The following SDCCAG8 variants were observed in gnomAD, a reference collection of about 807,000 sequenced individuals.
SDCCAG8 encodes the protein SHH signaling and ciliogenesis regulator SDCCAG8, also known as serologically defined colon cancer antigen 8.
SDCCAG8 carries 74 observed loss-of-function variants against 101.8 expected under a neutral mutation model. The observed-to-expected ratio is 0.73, with a 90% CI of 0.60 to 0.88. The LOEUF is 0.88. Ranked by LOEUF, SDCCAG8 falls within the 40% of genes least tolerant of loss-of-function variation. The pLI is 0.00. For missense variants in SDCCAG8, 787 were observed against 822.6 expected (o/e 0.96, Z 0.53); for synonymous variants, 281 against 292.9 (o/e 0.96, Z 0.41).
At chr1:243,295,705 A>C (rs1053432159) in intron 6 of SDCCAG8, among the ~76,000 whole-genome samples, 8 of 152,040 alleles carry the variant, frequency 5.3e-5, no homozygotes, top group African/African-American at 1.9e-4. Context: ...TACCTATTGA[A>C]ATGTTTCCAG....
At chr1:243,300,437 C>G (rs1340395524) in intron 6 of SDCCAG8, among the ~76,000 whole-genome samples, 1 of 152,200 alleles carries the variant, frequency 6.6e-6, no homozygotes, top group Non-Finnish European at 1.5e-5. Flanking sequence ...TCCCTTTCTT[C>G]ACACTTCAAT....
intron 8 of SDCCAG8, among the ~76,000 whole-genome samples, chr1:243,312,699 C>T (rs2072855524): frequency 7.4e-6 from 1 of 134,668 alleles, no homozygotes; most frequent in Admixed American, 7.6e-5. Context: ...GAGGAAGAAC[C>T]TGTCTCCAAA....
chr1:243,261,419 A>G (rs2067183510), intron 1 of SDCCAG8, among the ~76,000 whole-genome samples: 1 of 152,240 alleles, frequency 6.6e-6, no homozygotes, highest in East Asian at 1.9e-4. Flanking sequence ...TGAATATGAG[A>G]AGAAAATATA....
chr1:243,276,195 T>A (rs2068557989), intron 4 of SDCCAG8, among the ~76,000 whole-genome samples: 1 of 152,104 alleles, frequency 6.6e-6, no homozygotes, highest in African/African-American at 2.4e-5. Context: ...ATCATTTAGA[T>A]CAGCAGAAGG....
chr1:243,386,344 T>C (rs1192519173), intron 13 of SDCCAG8, among the ~76,000 whole-genome samples: 1 of 152,226 alleles, frequency 6.6e-6, no homozygotes, highest in African/African-American at 2.4e-5. Flanking sequence ...AATGGATTAA[T>C]GCAGTTGTTC....
At chr1:243,448,736 T>G (rs887127708) in intron 16 of SDCCAG8, among the ~76,000 whole-genome samples, 1 of 63,340 alleles carries the variant, frequency 1.6e-5, no homozygotes, top group African/African-American at 6.5e-5. Flanking sequence ...CTGTCCAACT[T>G]GTTTAGACTG....
At position 243,499,768 on chromosome 1, in the gene SDCCAG8, C is replaced by CCA. The variant is rs778917211; in HGVS notation, c.2128_2129dup (p.Gln710HisfsTer12). On this transcript the variant is annotated frameshift_variant, in exon 18 of 18. Coordinates refer to ENST00000366541, the MANE Select transcript of SDCCAG8 (RefSeq NM_006642.5). LOFTEE classifies it high-confidence loss of function. ...TTATTTTTTCCAGTTACCCAGCATG[C>CCA]CACAATCTGATTGCTGACCTGGATG... The CCA allele has an allele frequency of 5.0e-6, 8 of 1,612,056 alleles. No individual in the cohort carries two copies. Among genetic ancestry groups the CCA allele is most frequent in the Non-Finnish European group, 5.9e-6 (7 of 1,178,406 alleles).
intron 4 of SDCCAG8, among the ~76,000 whole-genome samples, chr1:243,284,996 C>T (rs2069460854): frequency 1.3e-5 from 2 of 152,098 alleles, no homozygotes; most frequent in South Asian, 2.1e-4. Context: ...CATTCTCCTA[C>T]CTCAGCCTCC....
rs542493526 is a variant in SDCCAG8, at chr1:243,286,183, G to A, written c.421-89G>A. 302 of 1,308,220 alleles carry A rather than the reference G, an allele frequency of 2.3e-4. No individual in the cohort carries two copies. In the African/African-American group the frequency reaches 3.1e-3, roughly 13 times the overall value. The allele number at this position is 1,308,220 out of a possible 1,614,324, so 81.0% of individuals were successfully genotyped here. ...AGGAAAAGGAGAACATAAGTCTTCC[G>A]TACTTTATATCATGCTGTGCCCTCT... On this transcript the variant is annotated intron_variant, in intron 4 of 17. Coordinates refer to ENST00000366541, the MANE Select transcript of SDCCAG8 (RefSeq NM_006642.5).
intron 10 of SDCCAG8, among the ~76,000 whole-genome samples, chr1:243,336,927 C>A (rs1005878915): frequency 6.6e-6 from 1 of 151,922 alleles, no homozygotes. Context: ...TTTGTGGGTA[C>A]TTTCTCCCAT....
intron 1 of SDCCAG8, among the ~76,000 whole-genome samples, chr1:243,261,853 T>G (rs1214440282): frequency 1.3e-5 from 2 of 151,320 alleles, no homozygotes; most frequent in Non-Finnish European, 2.9e-5. Flanking sequence ...GTGGCTTTTC[T>G]TTTTCTTTTT....
chr1:243,371,629 A>T (rs982453894), intron 12 of SDCCAG8, among the ~76,000 whole-genome samples: 1 of 152,128 alleles, frequency 6.6e-6, no homozygotes, highest in Admixed American at 6.6e-5. Flanking sequence ...GGTATCAGCA[A>T]CCTTCTGCAT....
At chr1:243,307,539 T>A in intron 7 of SDCCAG8, 1 of 983,918 alleles carries the variant, frequency 1.0e-6, no homozygotes. Flanking sequence ...TAAGACACTC[T>A]AAAAATTTTA....
At chr1:243,341,634 C>T (rs572714443) in intron 11 of SDCCAG8, among the ~76,000 whole-genome samples, 1 of 152,208 alleles carries the variant, frequency 6.6e-6, no homozygotes, top group East Asian at 1.9e-4. Flanking sequence ...CTTCCTTTTC[C>T]TTTTCAGACT....
At chr1:243,450,036 C>T (rs1350719965) in intron 16 of SDCCAG8, among the ~76,000 whole-genome samples, 1 of 152,190 alleles carries the variant, frequency 6.6e-6, no homozygotes, top group African/African-American at 2.4e-5. Flanking sequence ...TGAGCTTTCT[C>T]TAGAGGCCAA....
At chr1:243,446,284 A>G (rs1378196621) in intron 16 of SDCCAG8, among the ~76,000 whole-genome samples, 3 of 152,118 alleles carry the variant, frequency 2.0e-5, no homozygotes, top group Non-Finnish European at 4.4e-5. Context: ...TTTTTTTAAG[A>G]CAGGGTCTCA....
At chr1:243,365,594 T>G (rs1183963987) in intron 12 of SDCCAG8, among the ~76,000 whole-genome samples, 1 of 152,138 alleles carries the variant, frequency 6.6e-6, no homozygotes, top group Non-Finnish European at 1.5e-5. Context: ...GTGTACACCA[T>G]CTAAGAGACA....
At chr1:243,354,476 T>G (rs2076276642) in intron 12 of SDCCAG8, among the ~76,000 whole-genome samples, 1 of 152,236 alleles carries the variant, frequency 6.6e-6, no homozygotes, top group South Asian at 2.1e-4. Context: ...ACAGACATCA[T>G]CTAATTTGCA....
intron 4 of SDCCAG8, among the ~76,000 whole-genome samples, chr1:243,275,862 T>G (rs1305084694): frequency 2.3e-5 from 3 of 132,598 alleles, no homozygotes; most frequent in East Asian, 4.2e-4. Context: ...CAATGTTTTT[T>G]TTTTTTTTTT....
Sources: gnomAD v4.1 joint callset for allele counts (sites outside exome capture counted in the v4.1 genomes callset) on GRCh38, gnomAD v4.1.1 for gene constraint, MANE v1.5 for transcripts, NCBI Gene and HGNC (gene_info 2026-07-23, HGNC 2026-07-21) for gene names.